Variants in ARHGAP21 observed in about 807,000 individuals in gnomAD.
ARHGAP21 encodes the protein Rho GTPase activating protein 21.
Under a neutral mutation model 164.6 loss-of-function variants are expected in ARHGAP21, and 38 were observed. The observed-to-expected ratio is 0.23, with a 90% CI of 0.18 to 0.30. The LOEUF is 0.30. Ranked by LOEUF, ARHGAP21 falls within the 10% of genes least tolerant of loss-of-function variation. The pLI is 1.00. For synonymous variants in ARHGAP21, 766 were observed against 857.9 expected (o/e 0.89, Z 1.87); for missense variants, 1,822 against 2,370.7 (o/e 0.77, Z 4.81).
Position 24,591,209 on chromosome 10 carries a change from C to T in ARHGAP21, c.4150+16G>A. 6.3e-7 allele frequency: 1 copy of T among 1,588,884 alleles called. No homozygotes were observed. Among genetic ancestry groups the T allele is most frequent in the Non-Finnish European group, 8.6e-7 (1 of 1,160,192 alleles). ...GCTTTCAGCCTAGAGGTCAAGACTG[C>T]CCAGGCAAGAGTTACCTGATACATC... On this transcript the variant is annotated intron_variant, in intron 24 of 25. Coordinates refer to ENST00000396432, the MANE Select transcript of ARHGAP21 (RefSeq NM_020824.4).
At chr10:24,655,433 A>G (rs1158476280) in intron 4 of ARHGAP21, among the ~76,000 whole-genome samples, 2 of 152,220 alleles carry the variant, frequency 1.3e-5, no homozygotes, top group African/African-American at 4.8e-5. Flanking sequence ...AGAAAAAATC[A>G]AACAACCCCA....
intron 2 of ARHGAP21, among the ~76,000 whole-genome samples, chr10:24,691,545 TATTTTAGACAC>T (rs536485508): frequency 2.6e-5 from 4 of 152,344 alleles, no homozygotes; most frequent in African/African-American, 9.6e-5. Flanking sequence ...TATCAAAAAG[TATTTTAGACAC>T]ATTTTAGAGG....
At chr10:24,616,900 G>A (rs1399017868) in intron 9 of ARHGAP21, among the ~76,000 whole-genome samples, 2 of 152,106 alleles carry the variant, frequency 1.3e-5, no homozygotes, top group African/African-American at 2.4e-5. Flanking sequence ...ACAAAATACT[G>A]TTAATGAGTA....
intron 11 of ARHGAP21, among the ~76,000 whole-genome samples, chr10:24,605,291 GA>G (rs1369478343): frequency 2.6e-5 from 4 of 152,166 alleles, no homozygotes; most frequent in African/African-American, 4.8e-5. Flanking sequence ...TGGAACAATG[GA>G]AAATAGTGTG....
At position 24,660,060 on chromosome 10, in the gene ARHGAP21, TTCA is replaced by T. The variant is rs371619865; in HGVS notation, c.268+6922_268+6924del. ...CACCACTACCATCATCATTATCATC[TTCA>T]TCATCATCATTATTCTTCCTACTTC... On this transcript the variant is annotated intron_variant, in intron 4 of 25. Transcript: ENST00000396432. 2.5e-3 allele frequency among the ~76,000 whole-genome samples: 374 copies of T among 152,240 alleles called. 3 individuals are homozygous for T. The highest frequency in any genetic ancestry group is 7.8e-3 in the African/African-American group (323 of 41,526).
chr10:24,584,332 T>C lies in ARHGAP21; in HGVS notation c.*80A>G. 1 of 1,473,126 alleles carries C rather than the reference T, an allele frequency of 6.8e-7. No individual in the cohort carries two copies. The highest frequency in any genetic ancestry group is 2.3e-5 in the East Asian group (1 of 43,916). The allele number at this position is 1,473,126 out of a possible 1,614,324, so 91.3% of individuals were successfully genotyped here. ...AATGAAGGCTGCATAATAACAATTC[T>C]GATACAAGAAAATATTGACAGAGTT... On this transcript the variant is annotated 3_prime_UTR_variant, in exon 26 of 26. Transcript: ENST00000396432.
At chr10:24,710,600 AC>A (rs1844686835) in intron 2 of ARHGAP21, among the ~76,000 whole-genome samples, 3 of 150,966 alleles carry the variant, frequency 2.0e-5, no homozygotes, top group Non-Finnish European at 4.4e-5. Context: ...TATGCTGCGC[AC>A]CCTCAGTGTC....
At position 24,620,639 on chromosome 10, in the gene ARHGAP21, G is replaced by T; in HGVS notation, c.1256C>A (p.Ser419Tyr). The T allele has an allele frequency of 6.2e-7, 1 of 1,614,218 alleles. No individual in the cohort carries two copies. The highest frequency in any genetic ancestry group is 8.5e-7 in the Non-Finnish European group (1 of 1,180,046). Residue 419 changes from serine (S) to tyrosine (Y), a missense_variant, in exon 9 of 26, where the codon TCT becomes TAT. Physicochemically the swap from Ser to Tyr is moderately radical, Grantham distance 144 (BLOSUM62 -2). Transcript: ENST00000396432. ...QERLDSLRAA[S>Y]QSTTDYNQVV... ...CTGGTTATAATCTGTCGTGCTTTGA[G>T]ATGCTGCTCTTAAACTATCTAATCT...
At chr10:24,705,906 T>C (rs1593353213) in intron 2 of ARHGAP21, among the ~76,000 whole-genome samples, 1 of 152,192 alleles carries the variant, frequency 6.6e-6, no homozygotes, top group Admixed American at 6.5e-5. Context: ...AATAACAATG[T>C]TGATCGAGGG....
At chr10:24,719,117 A>ACACACACC (rs911414367) in intron 2 of ARHGAP21, among the ~76,000 whole-genome samples, 3 of 151,894 alleles carry the variant, frequency 2.0e-5, no homozygotes, top group African/African-American at 7.3e-5. Flanking sequence ...ACACACACAC[A>ACACACACC]CACACACACA....
chr10:24,648,821 A>G (rs1837869672), intron 4 of ARHGAP21: 18 of 984,812 alleles, frequency 1.8e-5, no homozygotes, highest in Non-Finnish European at 2.2e-5. Context: ...AAATGTATAT[A>G]TATTCTTACC....
intron 3 of ARHGAP21, among the ~76,000 whole-genome samples, chr10:24,669,033 GAGATCT>G (rs1428302260): frequency 6.6e-6 from 1 of 152,084 alleles, no homozygotes; most frequent in Non-Finnish European, 1.5e-5. Context: ...AGATTCTTAA[GAGATCT>G]AGTCCAGTTG....
intron 6 of ARHGAP21, 148 bp downstream of exon 6, chr10:24,633,254 G>A (rs1836015371): frequency 9.5e-6 from 5 of 528,342 alleles, no homozygotes; most frequent in Admixed American, 7.5e-5. Context: ...CTGGTCCTTG[G>A]CAACTCTCAA....
chr10:24,593,636 GTAAT>G (rs899252080), intron 21 of ARHGAP21, among the ~76,000 whole-genome samples: 5 of 105,120 alleles, frequency 4.8e-5, no homozygotes, highest in Admixed American at 1.0e-4. Context: ...AAGATTCAGT[GTAAT>G]TAAAGACACA....
At chr10:24,653,827 G>A (rs1838479980) in intron 4 of ARHGAP21, among the ~76,000 whole-genome samples, 1 of 151,982 alleles carries the variant, frequency 6.6e-6, no homozygotes, top group African/African-American at 2.4e-5. Flanking sequence ...TTAACAACAA[G>A]AGCATGAGCA....
At chr10:24,634,129 T>C (rs145084430) in intron 5 of ARHGAP21, among the ~76,000 whole-genome samples, 19 of 152,074 alleles carry the variant, frequency 1.2e-4, no homozygotes, top group Non-Finnish European at 2.2e-4. Context: ...TTCCCAATCA[T>C]GTGGGGCTTA....
In ARHGAP21 at chr10:24,721,956, G is replaced by A. The variant is rs1426115642; in HGVS notation, c.-57C>T. 6.4e-7 allele frequency: 1 copy of A among 1,569,008 alleles called. No homozygotes were observed. Among genetic ancestry groups the A allele is most frequent in the Non-Finnish European group, 8.7e-7 (1 of 1,142,950 alleles). ...CTTTGGAGTCCACATTGGACGTGGC[G>A]GGGAATGCCACCACACACCCGAAGG... On this transcript the variant is annotated 5_prime_UTR_variant, in exon 2 of 26. Coordinates refer to ENST00000396432, the MANE Select transcript of ARHGAP21 (RefSeq NM_020824.4).
At chr10:24,654,932 A>G (rs1278556836) in intron 4 of ARHGAP21, among the ~76,000 whole-genome samples, 3 of 152,234 alleles carry the variant, frequency 2.0e-5, no homozygotes, top group African/African-American at 7.2e-5. Context: ...ATATAGATCA[A>G]TGGAACAGAA....
intron 9 of ARHGAP21, among the ~76,000 whole-genome samples, chr10:24,608,792 T>C (rs1565001926): frequency 1.3e-5 from 2 of 152,142 alleles, no homozygotes; most frequent in African/African-American, 4.8e-5. Context: ...AGCAGCTCTT[T>C]ACATTTTAGG....
Sources: gnomAD v4.1 joint callset for allele counts (sites outside exome capture counted in the v4.1 genomes callset) on GRCh38, gnomAD v4.1.1 for gene constraint, MANE v1.5 for transcripts, NCBI Gene and HGNC (gene_info 2026-07-23, HGNC 2026-07-21) for gene names.